Variants in ALG9 observed in about 807,000 individuals in gnomAD.
ALG9 encodes alpha-1,2-mannosyltransferase ALG9.
In ALG9, 55 loss-of-function variants were observed where a neutral mutation model predicts 81.8. That is an observed-to-expected ratio of 0.67 (90% CI 0.54 to 0.84). The LOEUF is 0.84. Among genes scored for constraint, ALG9 ranks in the 40% least tolerant of loss-of-function variants. ALG9 has a pLI of 0.00. For missense variants in ALG9, 629 were observed against 745.0 expected (o/e 0.84, Z 1.81); for synonymous variants, 278 against 274.3 (o/e 1.01, Z -0.13).
rs1950430814 is a variant in ALG9, at chr11:111,809,713, C to T, written c.1663G>A (p.Glu555Lys). The T allele has an allele frequency of 1.1e-5, 18 of 1,614,076 alleles. No homozygotes were observed. Among genetic ancestry groups the T allele is most frequent in the Non-Finnish European group, 1.5e-5 (18 of 1,179,988 alleles). Residue 555 changes from glutamate (E) to lysine (K), a missense_variant, in exon 14 of 15, where the codon GAG becomes AAG. Glu to Lys is a moderately conservative substitution (Grantham distance 56). Transcript: ENST00000616540. ...DLDTMRETPREPKYSSNKEEW... is the reference protein window; with the variant it reads ...DLDTMRETPRKPKYSSNKEEW... The stretch of plus-strand genomic sequence containing the variant: ...TCTTTATTGGATGAATATTTTGGCT[C>T]CCGGGGTGTTTCTCTCATGGTGTCC...
the ALG9 span, among the ~76,000 whole-genome samples, chr11:111,772,726 G>A: frequency 1.3e-5 from 2 of 152,170 alleles, no homozygotes; most frequent in Non-Finnish European, 2.9e-5. Flanking sequence ...CTGAGGAAGT[G>A]GGAGCAAATA....
chr11:111,840,180 G>A (rs1052108984), intron 10 of ALG9, among the ~76,000 whole-genome samples: 1 of 152,162 alleles, frequency 6.6e-6, no homozygotes, highest in Non-Finnish European at 1.5e-5. Flanking sequence ...GGGCAATACA[G>A]GGTTCTGAGG....
chr11:111,772,816 G>A, the ALG9 span, among the ~76,000 whole-genome samples: 1 of 152,202 alleles, frequency 6.6e-6, no homozygotes, highest in East Asian at 1.9e-4. Context: ...GACTTACAGA[G>A]TCAGAATACC....
intron 4 of ALG9, among the ~76,000 whole-genome samples, chr11:111,862,271 TTGCCCAGGCTGGAG>T (rs1555148686): frequency 6.6e-6 from 1 of 150,746 alleles, no homozygotes; most frequent in Non-Finnish European, 1.5e-5. Flanking sequence ...AGAGTCTCAC[TTGCCCAGGCTGGAG>T]TGCAATGGGG....
chr11:111,836,127 T>C, intron 13 of ALG9, 38 bp downstream of exon 13: 1 of 1,612,982 alleles, frequency 6.2e-7, no homozygotes. Context: ...AGGCATAGAA[T>C]TCTTTTCAGA....
At position 111,809,658 on chromosome 11, in the gene ALG9, A is replaced by C. The variant is rs1457363391; in HGVS notation, c.1718T>G (p.Phe573Cys). 6.2e-7 allele frequency: 1 copy of C among 1,613,984 alleles called. No individual in the cohort carries two copies. The highest frequency in any genetic ancestry group is 8.5e-7 in the Non-Finnish European group (1 of 1,179,982). Residue 573 changes from phenylalanine to cysteine, a missense_variant, in exon 14 of 15, where the codon TTC becomes TGC. Physicochemically the swap from Phe to Cys is radical, Grantham distance 205. Transcript: ENST00000616540. ...EEWISLAYRP[F>C]LDASRSSKLL... is the part of the protein sequence containing the mutation. Reference sequence around the variant, plus strand: ...AGCCACATACCTAGAAGCATCAAGGAATGGTCTATAGGCCAAGCTGATCCA... The same window carrying C: ...AGCCACATACCTAGAAGCATCAAGGCATGGTCTATAGGCCAAGCTGATCCA...
At position 111,782,559 on chromosome 11, in the gene ALG9, T is replaced by C. The variant is rs1555057621; in HGVS notation, c.*3838A>G. ...AATGCACTGATTAACACGTGAGCTTTAATATGCTTGTGGAGGCCAAGATTA... is the reference window on the plus strand; with the variant it reads ...AATGCACTGATTAACACGTGAGCTTCAATATGCTTGTGGAGGCCAAGATTA... On this transcript the variant is annotated 3_prime_UTR_variant, in exon 15 of 15. Transcript: ENST00000616540. 6.5e-6 allele frequency: 1 copy of C among 152,676 alleles called. No homozygotes were observed. The highest frequency in any genetic ancestry group is 1.5e-5 in the Non-Finnish European group (1 of 68,044). 9.5% of individuals were successfully genotyped at this position (152,676 alleles called of 1,614,324 possible). A position where few individuals can be genotyped will look rare whatever the true frequency, so the allele number is the denominator to read the frequency against.
At chr11:111,794,065 T>C (rs543938247) in intron 14 of ALG9, among the ~76,000 whole-genome samples, 57 of 152,344 alleles carry the variant, frequency 3.7e-4, no homozygotes, top group African/African-American at 1.3e-3. Context: ...AGCAATTGCC[T>C]GCACAGCATA....
intron 13 of ALG9, among the ~76,000 whole-genome samples, chr11:111,831,302 A>C (rs1290039679): frequency 6.6e-6 from 1 of 152,074 alleles, no homozygotes; most frequent in Non-Finnish European, 1.5e-5. Flanking sequence ...CGGCCTCCCA[A>C]AGTGCTGAGA....
chr11:111,870,394 A>G, intron 1 of ALG9, 24 bp from the exon 2 acceptor site: 1 of 1,520,914 alleles, frequency 6.6e-7, no homozygotes, highest in Non-Finnish European at 8.8e-7. Flanking sequence ...AAAAAAAAAA[A>G]AAAAAAAAAA....
chr11:111,820,259 A>G (rs1322836704), intron 13 of ALG9, among the ~76,000 whole-genome samples: 1 of 152,200 alleles, frequency 6.6e-6, no homozygotes, highest in Non-Finnish European at 1.5e-5. Flanking sequence ...CTATAACAGA[A>G]TATCTGAGAC....
intron 4 of ALG9, among the ~76,000 whole-genome samples, chr11:111,863,576 T>A (rs1251979398): frequency 6.6e-6 from 1 of 152,184 alleles, no homozygotes; most frequent in African/African-American, 2.4e-5. Flanking sequence ...TGGGAAGATT[T>A]TAAATAATGA....
chr11:111,822,882 G>C (rs978993047), intron 13 of ALG9, among the ~76,000 whole-genome samples: 1 of 151,972 alleles, frequency 6.6e-6, no homozygotes, highest in East Asian at 1.9e-4. Context: ...AAATTAGCTG[G>C]GCACGGTGGC....
At chr11:111,794,814 G>A (rs765619612) in intron 14 of ALG9, among the ~76,000 whole-genome samples, 3 of 152,182 alleles carry the variant, frequency 2.0e-5, no homozygotes, top group Non-Finnish European at 4.4e-5. Context: ...CTTTCAGTGA[G>A]AGATTTTCTA....
At chr11:111,775,069 T>C in the ALG9 span, among the ~76,000 whole-genome samples, 2 of 152,178 alleles carry the variant, frequency 1.3e-5, no homozygotes, top group Non-Finnish European at 2.9e-5. Flanking sequence ...ATTACAGGCA[T>C]GAGCCACCAC....
At chr11:111,822,094 C>T (rs1160214386) in intron 13 of ALG9, among the ~76,000 whole-genome samples, 2 of 152,130 alleles carry the variant, frequency 1.3e-5, no homozygotes, top group African/African-American at 2.4e-5. Flanking sequence ...AAAATGACAG[C>T]AATAGAAAAA....
At chr11:111,865,344 C>T (rs1962005458) in intron 3 of ALG9, 93 bp from the exon 4 acceptor site, 2 of 941,172 alleles carry the variant, frequency 2.1e-6, no homozygotes, top group Non-Finnish European at 3.2e-6. Context: ...GTCAATAACA[C>T]TGTAAATTGG....
At chr11:111,838,115 T>C in intron 11 of ALG9, 134 bp downstream of exon 11, 1 of 969,068 alleles carries the variant, frequency 1.0e-6, no homozygotes, top group Non-Finnish European at 1.6e-6. Flanking sequence ...CTCATTAATA[T>C]TAAGTCTACA....
chr11:111,778,556 A>G (rs1945757397), downstream of ALG9, among the ~76,000 whole-genome samples: 1 of 152,172 alleles, frequency 6.6e-6, no homozygotes, highest in African/African-American at 2.4e-5. Context: ...GAAGAGGCCT[A>G]GATGAAGGCC....
Sources: allele counts gnomAD v4.1 joint callset (sites outside exome capture counted in the v4.1 genomes callset), GRCh38; gene constraint gnomAD v4.1.1; transcripts MANE v1.5; gene names NCBI Gene and HGNC (gene_info 2026-07-23, HGNC 2026-07-21).